The following KL variants were observed in gnomAD, a reference collection of about 807,000 sequenced individuals.
KL encodes klotho.
In KL, 62 loss-of-function variants were observed where a neutral mutation model predicts 84.2. The observed-to-expected ratio is 0.74, with a 90% confidence interval of 0.60 to 0.91. KL has a LOEUF of 0.91. Among genes scored for constraint, KL ranks in the 40% least tolerant of loss-of-function variants. KL has a pLI of 0.00. For synonymous variants in KL, 528 were observed against 528.0 expected (o/e 1.00, Z 0.00); for missense variants, 1,261 against 1,305.7 (o/e 0.97, Z 0.53).
At chr13:33,052,914 G>GA (rs1225516892) in intron 1 of KL, among the ~76,000 whole-genome samples, 4 of 152,018 alleles carry the variant, frequency 2.6e-5, no homozygotes, top group Non-Finnish European at 2.9e-5. Context: ...AAGTAGGGGA[G>GA]AAAAAACCCC....
At chr13:33,054,639 A>G (rs1407331486) in intron 2 of KL, among the ~76,000 whole-genome samples, 1 of 152,210 alleles carries the variant, frequency 6.6e-6, no homozygotes, top group Non-Finnish European at 1.5e-5. Flanking sequence ...CACTTTAAAG[A>G]AAAAGGAATG....
intron 3 of KL, among the ~76,000 whole-genome samples, chr13:33,056,778 C>T (rs1593809228): frequency 6.6e-6 from 1 of 152,094 alleles, no homozygotes; most frequent in Middle Eastern, 3.4e-3. Context: ...TGCACTCCAG[C>T]CTGGGTGACA....
intron 1 of KL, among the ~76,000 whole-genome samples, chr13:33,023,126 C>CA (rs1372422465): frequency 2.6e-5 from 4 of 152,180 alleles, no homozygotes; most frequent in African/African-American, 9.7e-5. Flanking sequence ...GGGCAGAACT[C>CA]AGTCACATGG....
chr13:33,043,559 T>G (rs1466692162), intron 1 of KL, among the ~76,000 whole-genome samples: 1 of 152,154 alleles, frequency 6.6e-6, no homozygotes, highest in East Asian at 1.9e-4. Context: ...TTAGTGGGTG[T>G]GAGTGCTCGT....
rs117912528 is a variant in KL, at chr13:33,050,142, A to C, written c.820-3625A>C. 4.0e-3 allele frequency among the ~76,000 whole-genome samples: 608 copies of C among 152,334 alleles called. 1 individual carries two copies. The highest frequency in any genetic ancestry group is 8.0e-3 in the Admixed American group (122 of 15,304). On this transcript the variant is annotated intron_variant, in intron 1 of 4. Coordinates refer to ENST00000380099, the MANE Select transcript of KL (RefSeq NM_004795.4). ...AACATATTTGAATATTAGACATTTC[A>C]ATTGTTTTCAATGTTTGGCTATTAA...
chr13:33,030,044 G>T (rs1870920291), intron 1 of KL, among the ~76,000 whole-genome samples: 1 of 151,916 alleles, frequency 6.6e-6, no homozygotes, highest in African/African-American at 2.4e-5. Flanking sequence ...TTCTCCCATG[G>T]TGGAAGGTGA....
intron 1 of KL, among the ~76,000 whole-genome samples, chr13:33,033,530 T>A (rs59410597): frequency 0.029 from 4,426 of 151,644 alleles, 203 homozygotes; most frequent in African/African-American, 0.1. Flanking sequence ...GGGGCATTAT[T>A]TTTTTTTACT....
intron 1 of KL, among the ~76,000 whole-genome samples, chr13:33,039,539 G>A (rs1336535326): frequency 6.6e-6 from 1 of 152,122 alleles, no homozygotes; most frequent in African/African-American, 2.4e-5. Flanking sequence ...GGTGCATTGG[G>A]AAAGGAATGC....
intron 3 of KL, 59 bp from the exon 4 acceptor site, chr13:33,060,620 T>G (rs1296705604): frequency 6.3e-7 from 1 of 1,597,916 alleles, no homozygotes; most frequent in Non-Finnish European, 8.6e-7. Flanking sequence ...AAATAATTGC[T>G]TTGAATTACT....
chr13:33,036,348 C>T (rs1235806572), intron 1 of KL, among the ~76,000 whole-genome samples: 1 of 151,636 alleles, frequency 6.6e-6, no homozygotes, highest in Non-Finnish European at 1.5e-5. Context: ...CATGCACACA[C>T]ACCACACACA....
chr13:33,021,365 C>CTA (rs1451449591), intron 1 of KL, among the ~76,000 whole-genome samples: 4 of 152,162 alleles, frequency 2.6e-5, no homozygotes, highest in African/African-American at 9.7e-5. Flanking sequence ...CAGTTAAAAG[C>CTA]TATCTGTAGT....
At chr13:33,058,099 A>G (rs761700755) in intron 3 of KL, among the ~76,000 whole-genome samples, 5 of 152,132 alleles carry the variant, frequency 3.3e-5, no homozygotes, top group Non-Finnish European at 7.4e-5. Flanking sequence ...TTGTTTTCCC[A>G]TAACCACGGA....
chr13:33,043,817 C>A (rs1157081696), intron 1 of KL, among the ~76,000 whole-genome samples: 1 of 152,108 alleles, frequency 6.6e-6, no homozygotes, highest in Non-Finnish European at 1.5e-5. Context: ...AAAATTAAAA[C>A]CTGCTCATCA....
chr13:33,017,080 G>T lies in KL; in HGVS notation c.640G>T (p.Asp214Tyr). The stretch of plus-strand genomic sequence containing the variant: ...CGGCTGGGCCAACCGCGCCCTGGCC[G>T]ACCACTTCAGGGATTACGCGGAGCT... The part of the protein sequence containing the change: ...YGGWANRALA[D>Y]HFRDYAELCF... The change falls in exon 1 of 5, where the codon GAC (aspartate) becomes TAC (tyrosine). Residue 214 changes from aspartate to tyrosine, a missense_variant. By Grantham distance (160) the Asp-to-Tyr change is radical (BLOSUM62 -3). Coordinates refer to ENST00000380099, the MANE Select transcript of KL (RefSeq NM_004795.4). 1 of 1,604,502 alleles carries T rather than the reference G, an allele frequency of 6.2e-7. No homozygotes were observed. The highest frequency in any genetic ancestry group is 2.2e-5 in the East Asian group (1 of 44,826).
chr13:33,029,214 T>C (rs977786918), intron 1 of KL, among the ~76,000 whole-genome samples: 1 of 152,264 alleles, frequency 6.6e-6, no homozygotes, highest in African/African-American at 2.4e-5. Flanking sequence ...ATTCAAGTTT[T>C]GGAGAATTTT....
chr13:33,064,083 G>T lies in KL; in HGVS notation c.2936G>T (p.Arg979Leu), dbSNP rs767297271. 4.3e-6 allele frequency: 7 copies of T among 1,614,002 alleles called. No homozygotes were observed. Among genetic ancestry groups the T allele is most frequent in the Non-Finnish European group, 5.9e-6 (7 of 1,179,928 alleles). ...ACTGAGTGCAGTTTTTTTCACACCC[G>T]AAAGTCTTTACTGGCTTTCATAGCT... ...VCTECSFFHT[R>L]KSLLAFIAFL... The change falls in exon 5 of 5, where the codon CGA becomes CTA. Residue 979 changes from arginine to leucine, a missense_variant. Coordinates refer to ENST00000380099, the MANE Select transcript of KL (RefSeq NM_004795.4).
At chr13:33,058,915 G>C (rs1566508954) in intron 3 of KL, among the ~76,000 whole-genome samples, 1 of 152,194 alleles carries the variant, frequency 6.6e-6, no homozygotes, top group Non-Finnish European at 1.5e-5. Flanking sequence ...TACTCTGACA[G>C]CATTCCCACA....
intron 1 of KL, among the ~76,000 whole-genome samples, 176 bp downstream of exon 1, chr13:33,017,435 G>A (rs145740011): frequency 6.6e-6 from 1 of 152,356 alleles, no homozygotes; most frequent in East Asian, 1.9e-4. Flanking sequence ...GTGGAATTAG[G>A]AGAGAAATCC....
In KL at chr13:33,053,971, A is replaced by T; in HGVS notation, c.1024A>T (p.Lys342Ter). 1 of 1,614,022 alleles carries T rather than the reference A, an allele frequency of 6.2e-7. No individual in the cohort carries two copies. The highest frequency in any genetic ancestry group is 8.5e-7 in the Non-Finnish European group (1 of 1,179,882). ...FIDGDYPESM[K>*]NNLSSILPDF... ...TGATGGTGACTATCCCGAGAGCATG[A>T]AGAATAACCTTTCATCTATTCTGCC... Residue 342 changes from lysine (K) to a stop codon, truncating the protein, a stop_gained, in exon 2 of 5, where the codon AAG becomes TAG. Coordinates refer to ENST00000380099, the MANE Select transcript of KL (RefSeq NM_004795.4). LOFTEE classifies it high-confidence loss of function.
Sources: gnomAD v4.1 joint callset for allele counts (sites outside exome capture counted in the v4.1 genomes callset) on GRCh38, gnomAD v4.1.1 for gene constraint, MANE v1.5 for transcripts, NCBI Gene and HGNC (gene_info 2026-07-23, HGNC 2026-07-21) for gene names.